The following TMEM131L variants were observed in gnomAD, a reference collection of about 807,000 sequenced individuals.
TMEM131L encodes the protein transmembrane 131 like.
TMEM131L carries 54 observed loss-of-function variants against 192.2 expected under a neutral mutation model. That is an observed-to-expected ratio of 0.28 (90% CI 0.23 to 0.35). The LOEUF (loss-of-function observed/expected upper bound fraction) is 0.35, where lower values mean the gene tolerates loss of function less well. Among genes scored for constraint, TMEM131L ranks in the 10% least tolerant of loss-of-function variants. The pLI, the probability that TMEM131L is intolerant of heterozygous loss-of-function variation, is 1.00. For synonymous variants in TMEM131L, 701 were observed against 704.9 expected (o/e 0.99, Z 0.09); for missense variants, 1,888 against 1,972.9 (o/e 0.96, Z 0.82).
intron 3 of TMEM131L, among the ~76,000 whole-genome samples, chr4:153,537,116 G>A (rs1477996101): frequency 6.6e-6 from 1 of 152,104 alleles, no homozygotes; most frequent in Non-Finnish European, 1.5e-5. Context: ...TCAATACTCT[G>A]CATCCTTCAA....
At position 153,607,729 on chromosome 4, in the gene TMEM131L, C is replaced by T. The variant is rs1732336281; in HGVS notation, c.3418+3299C>T. 2.6e-5 allele frequency among the ~76,000 whole-genome samples: 4 copies of T among 152,282 alleles called. No individual in the cohort carries two copies. The South Asian group carries it at 8.3e-4, about 32-fold the overall frequency. On this transcript the variant is annotated intron_variant, in intron 25 of 34. Coordinates refer to ENST00000409959, the MANE Select transcript of TMEM131L (RefSeq NM_001131007.2). ...CTCCTATTCTGAGGCTTCCCCCCAC[C>T]CCCGGGTGTAGCTTATTGTGTGAGA...
chr4:153,605,737 CT>C (rs1444143643), intron 25 of TMEM131L, among the ~76,000 whole-genome samples: 1 of 152,216 alleles, frequency 6.6e-6, no homozygotes, highest in African/African-American at 2.4e-5. Flanking sequence ...ATAACTTCAT[CT>C]TTTTCACTTC....
chr4:153,603,898 G>T lies in TMEM131L; in HGVS notation c.2886G>T (p.Gln962His). Residue 962 changes from glutamine to histidine, a missense_variant, in exon 25 of 35, where the codon CAG becomes CAT. Gln to His is a conservative substitution (Grantham distance 24). Coordinates refer to ENST00000409959, the MANE Select transcript of TMEM131L (RefSeq NM_001131007.2). Reference sequence around the variant, plus strand: ...TGAACACTCCCCAAAGCAGGATCCAGAATGCTGCAAAGAGGAGCCCAGCCA... The same window carrying T: ...TGAACACTCCCCAAAGCAGGATCCATAATGCTGCAAAGAGGAGCCCAGCCA... ...LPVNTPQSRI[Q>H]NAAKRSPATY... is the part of the protein sequence containing the mutation. 1 of 1,614,138 alleles carries T rather than the reference G, an allele frequency of 6.2e-7. No homozygotes were observed. Among genetic ancestry groups the T allele is most frequent in the Non-Finnish European group, 8.5e-7 (1 of 1,180,018 alleles).
intron 22 of TMEM131L, 59 bp downstream of exon 22, chr4:153,602,397 G>A: frequency 6.4e-7 from 1 of 1,567,220 alleles, no homozygotes; most frequent in Non-Finnish European, 8.7e-7. Flanking sequence ...ATGTGAGGAG[G>A]AAAACTTTTT....
intron 3 of TMEM131L, among the ~76,000 whole-genome samples, chr4:153,477,985 G>A (rs1005093220): frequency 6.6e-6 from 1 of 152,146 alleles, no homozygotes; most frequent in African/African-American, 2.4e-5. Flanking sequence ...TCCTATCCCT[G>A]CCTGGATTCA....
In TMEM131L at chr4:153,545,290, C is replaced by CTTTTTTTTTTTTTTTTTTTTTTTT. The variant is rs59852943; in HGVS notation, c.240-4768_240-4767insTTTTTTTTTTTTTTTTTTTTTTTT. On this transcript the variant is annotated intron_variant, in intron 3 of 34. Transcript: ENST00000409959. ...CTCTTGTATCAGCCACTTTTTCAAACTTTTTTTTTTTTTTTGAGATGGAGT... is the reference window on the plus strand; with the variant it reads ...CTCTTGTATCAGCCACTTTTTCAAACTTTTTTTTTTTTTTTTTTTTTTTTTTTTTTTTTTTTTTTGAGATGGAGT... 2.6e-4 allele frequency among the ~76,000 whole-genome samples: 35 copies of CTTTTTTTTTTTTTTTTTTTTTTTT among 132,302 alleles called. 2 individuals are homozygous for CTTTTTTTTTTTTTTTTTTTTTTTT. Among genetic ancestry groups the CTTTTTTTTTTTTTTTTTTTTTTTT allele is most frequent in the Middle Eastern group, 7.7e-3 (2 of 260 alleles). The allele number at this position is 132,302 out of a possible 152,430, so 86.8% of individuals were successfully genotyped here.
chr4:153,474,649 GGGT>G (rs1731398748), intron 3 of TMEM131L, among the ~76,000 whole-genome samples: 1 of 152,172 alleles, frequency 6.6e-6, no homozygotes, highest in South Asian at 2.1e-4. Flanking sequence ...TCCGCCTCCT[GGGT>G]TCAAGCAATT....
chr4:153,483,880 C>T (rs766051369), intron 3 of TMEM131L, among the ~76,000 whole-genome samples: 1 of 152,100 alleles, frequency 6.6e-6, no homozygotes, highest in Non-Finnish European at 1.5e-5. Context: ...CATTGTGCTT[C>T]AGATTGCTTT....
chr4:153,615,533 G>A (rs1732916996), intron 26 of TMEM131L, among the ~76,000 whole-genome samples: 1 of 152,216 alleles, frequency 6.6e-6, no homozygotes, highest in Non-Finnish European at 1.5e-5. Flanking sequence ...TGCAGGTATA[G>A]CAAGTATACA....
intron 7 of TMEM131L, among the ~76,000 whole-genome samples, chr4:153,575,771 G>T (rs1428774811): frequency 6.6e-6 from 1 of 152,088 alleles, no homozygotes; most frequent in Non-Finnish European, 1.5e-5. Context: ...CAAAACTAGA[G>T]AATTACGTTT....
At chr4:153,479,168 G>T (rs1412058897) in intron 3 of TMEM131L, among the ~76,000 whole-genome samples, 1 of 152,224 alleles carries the variant, frequency 6.6e-6, no homozygotes, top group Admixed American at 6.5e-5. Context: ...GCTTCCTAGA[G>T]CAGCTTGCCT....
At chr4:153,484,759 T>C (rs1343204049) in intron 3 of TMEM131L, among the ~76,000 whole-genome samples, 1 of 141,876 alleles carries the variant, frequency 7.0e-6, no homozygotes, top group Non-Finnish European at 1.5e-5. Context: ...TGAGCCACCG[T>C]GCCCGGCCAT....
At chr4:153,588,276 T>C (rs1034570675) in intron 15 of TMEM131L, among the ~76,000 whole-genome samples, 2 of 150,692 alleles carry the variant, frequency 1.3e-5, no homozygotes, top group Non-Finnish European at 2.9e-5. Context: ...TTTTGAGTTT[T>C]TTTTTTTGTT....
intron 3 of TMEM131L, among the ~76,000 whole-genome samples, chr4:153,530,262 A>G (rs1257629302): frequency 6.6e-6 from 1 of 152,180 alleles, no homozygotes; most frequent in Non-Finnish European, 1.5e-5. Context: ...TGATAGTTTA[A>G]GTGTCATTAA....
intron 3 of TMEM131L, among the ~76,000 whole-genome samples, chr4:153,532,600 C>T (rs1480349332): frequency 6.6e-6 from 1 of 151,970 alleles, no homozygotes. Flanking sequence ...CTAAAATAAC[C>T]TGTTGGTTCT....
chr4:153,522,862 G>T (rs1735216447), intron 3 of TMEM131L, among the ~76,000 whole-genome samples: 1 of 152,008 alleles, frequency 6.6e-6, no homozygotes, highest in Non-Finnish European at 1.5e-5. Context: ...CACTATCACT[G>T]CCCACAGACT....
chr4:153,602,966 G>A (rs538005654), intron 23 of TMEM131L, among the ~76,000 whole-genome samples: 35 of 152,298 alleles, frequency 2.3e-4, no homozygotes, highest in African/African-American at 8.2e-4. Context: ...TCCATATATA[G>A]TGTGTTCATA....
intron 25 of TMEM131L, among the ~76,000 whole-genome samples, chr4:153,612,025 C>CA (rs1554041594): frequency 1.3e-5 from 2 of 152,120 alleles, no homozygotes; most frequent in East Asian, 1.9e-4. Context: ...TGTCCCCCCC[C>CA]ACCTTTTTCC....
intron 7 of TMEM131L, among the ~76,000 whole-genome samples, chr4:153,578,799 C>T (rs1447704449): frequency 6.6e-6 from 1 of 151,750 alleles, no homozygotes; most frequent in African/African-American, 2.4e-5. Context: ...AGATTACAGG[C>T]GTGAGCCACA....
Sources: gnomAD v4.1 joint callset for allele counts (sites outside exome capture counted in the v4.1 genomes callset) on GRCh38, gnomAD v4.1.1 for gene constraint, MANE v1.5 for transcripts, NCBI Gene and HGNC (gene_info 2026-07-23, HGNC 2026-07-21) for gene names.